The following TMEM132D variants were observed in gnomAD, a reference collection of about 807,000 sequenced individuals.
The protein encoded by TMEM132D is transmembrane protein 132D.
In TMEM132D, 21 loss-of-function variants were observed where a neutral mutation model predicts 62.3. That is an observed-to-expected ratio of 0.34 (90% CI 0.24 to 0.49). The LOEUF (loss-of-function observed/expected upper bound fraction) is 0.49. Among genes scored for constraint, TMEM132D ranks in the 20% least tolerant of loss-of-function variants. The probability of loss-of-function intolerance (pLI) is 0.99; values close to 1 mark genes in which losing one functional copy is unlikely to be tolerated. For synonymous variants in TMEM132D, 621 were observed against 575.6 expected (o/e 1.08, Z -1.13); for missense variants, 1,346 against 1,402.8 (o/e 0.96, Z 0.65).
At chr12:129,785,070 GC>G (rs962909740) in intron 1 of TMEM132D, among the ~76,000 whole-genome samples, 1 of 152,142 alleles carries the variant, frequency 6.6e-6, no homozygotes, top group African/African-American at 2.4e-5. Flanking sequence ...ACAATCATGA[GC>G]TTTCATATTA....
intron 1 of TMEM132D, among the ~76,000 whole-genome samples, chr12:129,740,005 T>C (rs1869550474): frequency 6.6e-6 from 1 of 152,144 alleles, no homozygotes; most frequent in African/African-American, 2.4e-5. Flanking sequence ...GAAACCATGT[T>C]CTTCAGTGTA....
Position 129,195,688 on chromosome 12 carries a change from A to G in TMEM132D, c.1443+13832T>C, listed in dbSNP as rs116685300. Reference sequence around the variant, plus strand: ...CCTACTTATAAGGGAATTTAAGCATAATTGAAGTGACTCTAATTGATTAAT... The same window carrying G: ...CCTACTTATAAGGGAATTTAAGCATGATTGAAGTGACTCTAATTGATTAAT... On this transcript the variant is annotated intron_variant, in intron 5 of 8. Transcript: ENST00000422113. 9.3e-3 allele frequency among the ~76,000 whole-genome samples: 1,422 copies of G among 152,316 alleles called. 23 individuals carry two copies. The highest frequency in any genetic ancestry group is 0.033 in the African/African-American group (1,371 of 41,572).
intron 3 of TMEM132D, among the ~76,000 whole-genome samples, chr12:129,498,253 T>C (rs201581923): frequency 2.1e-5 from 1 of 47,682 alleles, no homozygotes; most frequent in African/African-American, 4.6e-5. Context: ...CAAAATCTTT[T>C]ATTTGTTTGT....
intron 1 of TMEM132D, among the ~76,000 whole-genome samples, chr12:129,752,234 T>C (rs912564080): frequency 3.3e-5 from 5 of 152,058 alleles, no homozygotes; most frequent in South Asian, 2.1e-4. Flanking sequence ...CACACACACA[T>C]GCGCACACAC....
chr12:129,854,013 T>C (rs1331133715), intron 1 of TMEM132D, among the ~76,000 whole-genome samples: 1 of 152,090 alleles, frequency 6.6e-6, no homozygotes, highest in Non-Finnish European at 1.5e-5. Context: ...AAAAGCCACC[T>C]TGGGGGGATG....
chr12:129,149,524 A>C (rs750713781), intron 5 of TMEM132D, among the ~76,000 whole-genome samples: 1 of 152,202 alleles, frequency 6.6e-6, no homozygotes, highest in Non-Finnish European at 1.5e-5. Context: ...ACAGTCAGAC[A>C]TTGCTGGAGG....
At chr12:129,173,884 A>G (rs1359100933) in intron 5 of TMEM132D, among the ~76,000 whole-genome samples, 1 of 152,118 alleles carries the variant, frequency 6.6e-6, no homozygotes, top group Non-Finnish European at 1.5e-5. Flanking sequence ...AGGTGATGAA[A>G]ATCTGTAATC....
chr12:129,293,649 G>T (rs2135621351), intron 4 of TMEM132D, among the ~76,000 whole-genome samples: 1 of 152,294 alleles, frequency 6.6e-6, no homozygotes, highest in South Asian at 2.1e-4. Flanking sequence ...GACAGTAACA[G>T]ATCATCAGGC....
intron 1 of TMEM132D, among the ~76,000 whole-genome samples, chr12:129,718,984 C>A (rs990597125): frequency 5.9e-5 from 9 of 151,820 alleles, no homozygotes; most frequent in African/African-American, 2.2e-4. Context: ...TGCCTGTAAT[C>A]CCAGCACATT....
intron 2 of TMEM132D, among the ~76,000 whole-genome samples, chr12:129,664,754 T>C (rs935793914): frequency 1.3e-5 from 2 of 151,760 alleles, no homozygotes; most frequent in African/African-American, 2.4e-5. Context: ...TGTCAAAGAG[T>C]AAGCTTGTTC....
chr12:129,673,891 T>C (rs559707479), intron 2 of TMEM132D, among the ~76,000 whole-genome samples: 1 of 152,308 alleles, frequency 6.6e-6, no homozygotes, highest in African/African-American at 2.4e-5. Flanking sequence ...GGAAACCTTC[T>C]GTGAAAAGTG....
chr12:129,258,231 AG>A (rs1459624947), intron 4 of TMEM132D, among the ~76,000 whole-genome samples: 1 of 152,210 alleles, frequency 6.6e-6, no homozygotes, highest in African/African-American at 2.4e-5. Context: ...GGTTGTTTCA[AG>A]GATTCAAGAA....
At chr12:129,078,099 G>A (rs1252064679) in intron 8 of TMEM132D, among the ~76,000 whole-genome samples, 4 of 152,228 alleles carry the variant, frequency 2.6e-5, no homozygotes, top group Admixed American at 6.5e-5. Flanking sequence ...CACTCAGCAG[G>A]TCTGTCACCC....
At chr12:129,116,256 T>C (rs1246790334) in intron 5 of TMEM132D, among the ~76,000 whole-genome samples, 1 of 152,162 alleles carries the variant, frequency 6.6e-6, no homozygotes, top group East Asian at 1.9e-4. Context: ...TGAGACCTTA[T>C]GGCATGGCAC....
At chr12:129,383,277 G>A (rs1871005030) in intron 3 of TMEM132D, among the ~76,000 whole-genome samples, 1 of 152,150 alleles carries the variant, frequency 6.6e-6, no homozygotes, top group East Asian at 1.9e-4. Flanking sequence ...CTCACTGCAA[G>A]GGACCCTGGG....
chr12:129,572,930 G>A (rs146805448), intron 2 of TMEM132D, among the ~76,000 whole-genome samples: 2 of 152,090 alleles, frequency 1.3e-5, no homozygotes, highest in South Asian at 2.1e-4. Flanking sequence ...CTTAGAATGC[G>A]ACTTCTATAC....
At chr12:129,370,523 G>A (rs968423625) in intron 3 of TMEM132D, among the ~76,000 whole-genome samples, 6 of 152,154 alleles carry the variant, frequency 3.9e-5, no homozygotes, top group African/African-American at 1.4e-4. Context: ...CCTCCATTAG[G>A]TTCCAGCCTT....
At chr12:129,533,408 A>G (rs1876285042) in intron 2 of TMEM132D, among the ~76,000 whole-genome samples, 1 of 152,240 alleles carries the variant, frequency 6.6e-6, no homozygotes, top group South Asian at 2.1e-4. Flanking sequence ...GACAGCTACT[A>G]TTATACTAAG....
chr12:129,104,516 G>A (rs1419963888), intron 5 of TMEM132D, among the ~76,000 whole-genome samples: 2 of 152,136 alleles, frequency 1.3e-5, no homozygotes, highest in Non-Finnish European at 2.9e-5. Context: ...CAAAAGCAAT[G>A]GCAACCAAAG....
Sources: gnomAD v4.1 joint callset for allele counts (sites outside exome capture counted in the v4.1 genomes callset) on GRCh38, gnomAD v4.1.1 for gene constraint, MANE v1.5 for transcripts, NCBI Gene and HGNC (gene_info 2026-07-23, HGNC 2026-07-21) for gene names.